FHOD3: variants seen among roughly 807,000 people sequenced by gnomAD.
FHOD3 encodes the protein FH1/FH2 domain-containing protein 3.
FHOD3 carries 90 observed loss-of-function variants against 173.0 expected under a neutral mutation model. The observed-to-expected ratio is 0.52, with a 90% CI of 0.44 to 0.62. The LOEUF is 0.62. Among genes scored for constraint, FHOD3 ranks in the 20% least tolerant of loss-of-function variants. The pLI is 0.00. For missense variants in FHOD3, 1,945 were observed against 2,034.7 expected (o/e 0.96, Z 0.85); for synonymous variants, 828 against 823.0 (o/e 1.01, Z -0.10).
intron 3 of FHOD3, among the ~76,000 whole-genome samples, chr18:36,432,680 C>T (rs1165232017): frequency 6.6e-6 from 1 of 152,196 alleles, no homozygotes; most frequent in Non-Finnish European, 1.5e-5. Context: ...TGCTTGAGCT[C>T]ATGGGTCACT....
At chr18:36,418,074 G>T (rs1599036506) in intron 3 of FHOD3, among the ~76,000 whole-genome samples, 3 of 152,124 alleles carry the variant, frequency 2.0e-5, no homozygotes, top group South Asian at 2.1e-4. Flanking sequence ...ATAGTGTTTG[G>T]TTTTTGCGGC....
intron 10 of FHOD3, among the ~76,000 whole-genome samples, chr18:36,643,008 A>G (rs763315325): frequency 1.3e-5 from 2 of 151,124 alleles, no homozygotes; most frequent in Non-Finnish European, 3.0e-5. Flanking sequence ...TGTAAAATGT[A>G]TGTTCTTCTT....
chr18:36,544,652 C>T (rs1161938772), intron 5 of FHOD3: 2 of 152,324 alleles, frequency 1.3e-5, no homozygotes, highest in African/African-American at 4.8e-5. Flanking sequence ...GCATGCGGAG[C>T]AGTCGGTGTG....
chr18:36,456,501 A>G (rs1475956985), intron 3 of FHOD3, among the ~76,000 whole-genome samples: 1 of 152,050 alleles, frequency 6.6e-6, no homozygotes, highest in African/African-American at 2.4e-5. Context: ...ATAAAACAGT[A>G]TGTGTTCCTA....
chr18:36,491,066 C>T (rs1475117345), intron 3 of FHOD3, among the ~76,000 whole-genome samples: 3 of 152,110 alleles, frequency 2.0e-5, no homozygotes, highest in Non-Finnish European at 4.4e-5. Flanking sequence ...GAGAGCTGGC[C>T]CTGGTGTGGG....
At chr18:36,386,877 C>T (rs971229413) in intron 3 of FHOD3, among the ~76,000 whole-genome samples, 1 of 152,144 alleles carries the variant, frequency 6.6e-6, no homozygotes, top group Non-Finnish European at 1.5e-5. Context: ...CTGAGTGCAG[C>T]ACCCCATTCA....
intron 5 of FHOD3, among the ~76,000 whole-genome samples, chr18:36,513,192 A>AC (rs2055759747): frequency 6.6e-6 from 1 of 151,884 alleles, no homozygotes; most frequent in African/African-American, 2.4e-5. Context: ...AAAAAAAAAA[A>AC]AAACAAATAA....
At chr18:36,507,299 A>G (rs1599425738) in intron 4 of FHOD3, among the ~76,000 whole-genome samples, 3 of 152,252 alleles carry the variant, frequency 2.0e-5, no homozygotes, top group African/African-American at 7.2e-5. Context: ...AAAATTATTT[A>G]AACTATTGTA....
intron 3 of FHOD3, among the ~76,000 whole-genome samples, chr18:36,478,760 T>A (rs1173294428): frequency 6.6e-6 from 1 of 152,208 alleles, no homozygotes; most frequent in African/African-American, 2.4e-5. Flanking sequence ...TCCTTTTTGT[T>A]ACCCATTAGT....
At chr18:36,491,096 T>C (rs908864745) in intron 3 of FHOD3, among the ~76,000 whole-genome samples, 1 of 152,094 alleles carries the variant, frequency 6.6e-6, no homozygotes, top group African/African-American at 2.4e-5. Context: ...GAAGTGTGCA[T>C]GGACAGATAA....
intron 9 of FHOD3, among the ~76,000 whole-genome samples, chr18:36,620,659 T>G (rs1188495353): frequency 1.3e-5 from 2 of 152,214 alleles, no homozygotes; most frequent in Non-Finnish European, 2.9e-5. Flanking sequence ...TTCATGATAG[T>G]GTCTACCAGG....
chr18:36,753,958 T>A (rs1414281978), intron 24 of FHOD3, among the ~76,000 whole-genome samples: 1 of 152,252 alleles, frequency 6.6e-6, no homozygotes, highest in Non-Finnish European at 1.5e-5. Context: ...ATTAGACACA[T>A]GACTTGCAAA....
intron 7 of FHOD3, among the ~76,000 whole-genome samples, chr18:36,601,064 A>G (rs1454749324): frequency 1.3e-5 from 2 of 152,206 alleles, no homozygotes; most frequent in Non-Finnish European, 1.5e-5. Flanking sequence ...GAGAGCTGAG[A>G]TGGTTACTTT....
At chr18:36,619,399 C>T (rs2033514446) in intron 9 of FHOD3, among the ~76,000 whole-genome samples, 1 of 152,208 alleles carries the variant, frequency 6.6e-6, no homozygotes, top group Non-Finnish European at 1.5e-5. Context: ...TGAACGGACT[C>T]TTCATGTCTC....
intron 14 of FHOD3, among the ~76,000 whole-genome samples, chr18:36,669,110 ATTAG>A (rs1312835281): frequency 6.6e-6 from 1 of 151,928 alleles, no homozygotes; most frequent in Non-Finnish European, 1.5e-5. Context: ...TTGCTGTTCT[ATTAG>A]TTTTCCCTCG....
chr18:36,382,836 C>A (rs912337164), intron 3 of FHOD3, among the ~76,000 whole-genome samples: 4 of 152,202 alleles, frequency 2.6e-5, no homozygotes, highest in Non-Finnish European at 4.4e-5. Flanking sequence ...GAAGCCTATA[C>A]AAGGCTCCTA....
chr18:36,713,799 TA>T (rs1327995862), intron 18 of FHOD3, among the ~76,000 whole-genome samples: 2 of 151,578 alleles, frequency 1.3e-5, no homozygotes, highest in East Asian at 1.9e-4. Flanking sequence ...TTTGTTAAAG[TA>T]AAAAAAAGTA....
At chr18:36,334,098 G>C (rs1245590016) in intron 1 of FHOD3, among the ~76,000 whole-genome samples, 3 of 152,212 alleles carry the variant, frequency 2.0e-5, no homozygotes, top group Non-Finnish European at 2.9e-5. Context: ...CACATCAGCA[G>C]CACTGGGCTC....
chr18:36,311,197 A>G (rs916853808), intron 1 of FHOD3, among the ~76,000 whole-genome samples: 1 of 142,652 alleles, frequency 7.0e-6, no homozygotes, highest in Admixed American at 6.9e-5. Flanking sequence ...GACAAGCCTC[A>G]GGATGTGTCT....
Sources: gnomAD v4.1 joint callset for allele counts (sites outside exome capture counted in the v4.1 genomes callset) on GRCh38, gnomAD v4.1.1 for gene constraint, MANE v1.5 for transcripts, NCBI Gene and HGNC (gene_info 2026-07-23, HGNC 2026-07-21) for gene names.